SNF8: variants seen among roughly 807,000 people sequenced by gnomAD.
SNF8 encodes the protein vacuolar-sorting protein SNF8.
A neutral mutation model predicts 36.8 loss-of-function variants in SNF8; 19 were observed. The observed-to-expected ratio is 0.52, with a 90% CI of 0.36 to 0.76. The LOEUF (loss-of-function observed/expected upper bound fraction) is 0.76, where lower values mean the gene tolerates loss of function less well. Among genes scored for constraint, SNF8 ranks in the 30% least tolerant of loss-of-function variants. SNF8 has a pLI of 0.00. For synonymous variants in SNF8, 127 were observed against 127.4 expected (o/e 1.00, Z 0.02); for missense variants, 268 against 322.9 (o/e 0.83, Z 1.30).
intron 1 of SNF8, 110 bp from the exon 2 acceptor site, chr17:48,944,085 C>G: frequency 1.0e-6 from 1 of 958,980 alleles, no homozygotes; most frequent in Non-Finnish European, 1.6e-6. Context: ...GGGCGGATCA[C>G]GAGGTCAGGA....
chr17:48,943,893 C>G lies in SNF8; in HGVS notation c.105+32G>C, dbSNP rs374114996. On this transcript the variant is annotated intron_variant, in intron 2 of 7. Coordinates refer to ENST00000502492, the MANE Select transcript of SNF8 (RefSeq NM_007241.4). ...TCTTGGCCAGACCTGGTTAGGTCTC[C>G]CTCCCTGCCTGGGGCCCCCCAACCG... The G allele has an allele frequency of 6.2e-6, 10 of 1,606,626 alleles. No homozygotes were observed. In the African/African-American group the frequency reaches 9.4e-5, roughly 15 times the overall value.
rs1190326833 is a variant in SNF8 at position 48,936,307 on chromosome 17, A to G, written c.350-65T>C. The stretch of plus-strand genomic sequence containing the variant: ...ACCCACTTTAAATAAGTTGACAGTC[A>G]TTACAATTCCAGTGGCCTACAAGTA... On this transcript the variant is annotated intron_variant, in intron 4 of 7. Coordinates refer to ENST00000502492, the MANE Select transcript of SNF8 (RefSeq NM_007241.4). 6.1e-6 allele frequency: 8 copies of G among 1,305,764 alleles called. No homozygotes were observed. The East Asian group carries it at 1.4e-4, about 23-fold the overall frequency. The allele number at this position is 1,305,764 out of a possible 1,614,324, so 80.9% of individuals were successfully genotyped here.
chr17:48,934,889 G>C (rs1019267259), intron 5 of SNF8, among the ~76,000 whole-genome samples: 1 of 152,058 alleles, frequency 6.6e-6, no homozygotes, highest in African/African-American at 2.4e-5. Flanking sequence ...AGGTCTTCAA[G>C]ATCTCATAGT....
At chr17:48,934,887 A>G (rs2040912090) in intron 5 of SNF8, among the ~76,000 whole-genome samples, 1 of 152,072 alleles carries the variant, frequency 6.6e-6, no homozygotes, top group South Asian at 2.1e-4. Flanking sequence ...CTAGGTCTTC[A>G]AGATCTCATA....
At chr17:48,937,817 T>C (rs957047261) in intron 3 of SNF8, among the ~76,000 whole-genome samples, 10 of 151,788 alleles carry the variant, frequency 6.6e-5, no homozygotes, top group Admixed American at 3.3e-4. Flanking sequence ...TCTCAGCTAC[T>C]CAGGAGACTG....
Position 48,936,697 on chromosome 17 carries a change from A to G in SNF8, c.349+323T>C, listed in dbSNP as rs546024893. The G allele has an allele frequency of 1.0e-5, 4 of 401,710 alleles. No individual in the cohort carries two copies. The East Asian group carries it at 2.0e-4, about 20-fold the overall frequency. The allele number at this position is 401,710 out of a possible 1,614,324, so 24.9% of individuals were successfully genotyped here. A position where few individuals can be genotyped will look rare whatever the true frequency, so the allele number is the denominator to read the frequency against. On this transcript the variant is annotated intron_variant, in intron 4 of 7. Transcript: ENST00000502492. ...TACGTCGGAGAGACAGTGCAGGACT[A>G]TAGTTACTAATGAGAAAATCACTCC...
intron 2 of SNF8, among the ~76,000 whole-genome samples, chr17:48,943,207 C>G (rs971007747): frequency 6.6e-6 from 1 of 151,782 alleles, no homozygotes; most frequent in Non-Finnish European, 1.5e-5. Context: ...CGGTGGCTCA[C>G]GCCTGTAGTC....
intron 2 of SNF8, among the ~76,000 whole-genome samples, chr17:48,941,992 A>G (rs892457618): frequency 6.6e-6 from 1 of 151,926 alleles, no homozygotes; most frequent in Non-Finnish European, 1.5e-5. Context: ...CACAGGGCCA[A>G]TCAATCAATC....
intron 3 of SNF8, 60 bp downstream of exon 3, chr17:48,940,864 T>G: frequency 2.3e-4 from 368 of 1,575,892 alleles, no homozygotes; most frequent in Non-Finnish European, 2.9e-4. Context: ...AACAACTATG[T>G]GAGCTTCTGT....
chr17:48,932,877 A>G (rs1374209515), intron 6 of SNF8: 4 of 230,602 alleles, frequency 1.7e-5, no homozygotes, highest in Admixed American at 1.7e-4. Flanking sequence ...TTTTTGAAGA[A>G]TCCATAAAGT....
At chr17:48,938,828 G>A (rs1471488353) in intron 3 of SNF8, among the ~76,000 whole-genome samples, 2 of 148,162 alleles carry the variant, frequency 1.3e-5, no homozygotes, top group Non-Finnish European at 3.0e-5. Flanking sequence ...AACCAGGATC[G>A]CGCCATTGCA....
chr17:48,943,349 G>A (rs940643817), intron 2 of SNF8, among the ~76,000 whole-genome samples: 8 of 152,240 alleles, frequency 5.3e-5, no homozygotes, highest in African/African-American at 9.6e-5. Flanking sequence ...AGTGGCTCAC[G>A]CCTTTAATTC....
At chr17:48,936,755 T>G (rs2040940168) in intron 4 of SNF8, 1 of 513,238 alleles carries the variant, frequency 1.9e-6, no homozygotes, top group East Asian at 3.3e-5. Flanking sequence ...AAAGGCCTAC[T>G]TCCTACCTCT....
rs191756569 is a variant in SNF8 at position 48,935,918 on chromosome 17, G to A, written c.422+252C>T. ...AGGTGGGAGGATTACTTGAGCCCAAGAGTTTGAGGCTGCAGTAAGCAATGA... is the reference window on the plus strand; with the variant it reads ...AGGTGGGAGGATTACTTGAGCCCAAAAGTTTGAGGCTGCAGTAAGCAATGA... On this transcript the variant is annotated intron_variant, in intron 5 of 7. Coordinates refer to ENST00000502492, the MANE Select transcript of SNF8 (RefSeq NM_007241.4). 1.2e-4 allele frequency: 41 copies of A among 349,440 alleles called. No homozygotes were observed. In the East Asian group the frequency reaches 1.9e-3, roughly 16 times the overall value. 21.6% of individuals were successfully genotyped at this position (349,440 alleles called of 1,614,324 possible). A position where few individuals can be genotyped will look rare whatever the true frequency, so the allele number is the denominator to read the frequency against.
chr17:48,942,379 A>C, intron 2 of SNF8, among the ~76,000 whole-genome samples: 1 of 150,106 alleles, frequency 6.7e-6, no homozygotes. Flanking sequence ...TTTAATCACC[A>C]TTTTCAGTTG....
chr17:48,942,407 C>T (rs530245275), intron 2 of SNF8, among the ~76,000 whole-genome samples: 1 of 152,158 alleles, frequency 6.6e-6, no homozygotes, highest in South Asian at 2.1e-4. Flanking sequence ...CATGCCATCT[C>T]CCCTGTGAGT....
intron 5 of SNF8, 142 bp from the exon 6 acceptor site, chr17:48,933,488 G>A (rs916883356): frequency 5.4e-6 from 5 of 927,524 alleles, no homozygotes; most frequent in East Asian, 2.5e-5. Flanking sequence ...ACCCATAATC[G>A]CAACACTTTT....
intron 4 of SNF8, chr17:48,936,670 C>T (rs1229986672): frequency 2.9e-6 from 1 of 339,076 alleles, no homozygotes; most frequent in African/African-American, 2.1e-5. Context: ...TTGGCATTCC[C>T]ATACGTCGGA....
rs1293697471 is a variant in SNF8 at position 48,930,213 on chromosome 17, TC to T, written c.*261del. 2.4e-5 allele frequency: 7 copies of T among 296,714 alleles called. No individual in the cohort carries two copies. In the South Asian group the frequency reaches 3.9e-4, roughly 17 times the overall value. 18.4% of individuals were successfully genotyped at this position (296,714 alleles called of 1,614,324 possible). On this transcript the variant is annotated 3_prime_UTR_variant, in exon 8 of 8. Coordinates refer to ENST00000502492, the MANE Select transcript of SNF8 (RefSeq NM_007241.4). ...CAACCCACATTCTAGGCCCAGCTCTTCCATGAACTTGCAGATGACCTACAAA... is the reference window on the plus strand; with the variant it reads ...CAACCCACATTCTAGGCCCAGCTCTTCATGAACTTGCAGATGACCTACAAA...
Sources: gnomAD v4.1 joint callset for allele counts (sites outside exome capture counted in the v4.1 genomes callset) on GRCh38, gnomAD v4.1.1 for gene constraint, MANE v1.5 for transcripts, NCBI Gene and HGNC (gene_info 2026-07-23, HGNC 2026-07-21) for gene names.